Variants in SLC7A5 observed in about 807,000 individuals in gnomAD.
The protein encoded by SLC7A5 is large neutral amino acids transporter small subunit 1.
Under a neutral mutation model 50.2 loss-of-function variants are expected in SLC7A5, and 23 were observed. The observed-to-expected ratio is 0.46, with a 90% confidence interval of 0.33 to 0.65. The LOEUF (loss-of-function observed/expected upper bound fraction) is 0.65. Ranked by LOEUF, SLC7A5 falls within the 30% of genes least tolerant of loss-of-function variation. SLC7A5 has a pLI of 0.02. For synonymous variants in SLC7A5, 393 were observed against 330.6 expected (o/e 1.19, Z -2.05); for missense variants, 578 against 684.4 (o/e 0.84, Z 1.73).
At chr16:87,849,141 G>A (rs2055188945) in intron 2 of SLC7A5, among the ~76,000 whole-genome samples, 1 of 152,256 alleles carries the variant, frequency 6.6e-6, no homozygotes, top group Admixed American at 6.5e-5. Flanking sequence ...CAAAATTGAG[G>A]CCGGAGTCTC....
intron 1 of SLC7A5, among the ~76,000 whole-genome samples, chr16:87,866,982 A>T (rs1344543903): frequency 6.6e-6 from 1 of 151,070 alleles, no homozygotes; most frequent in East Asian, 1.9e-4. Context: ...CCCAGACTGG[A>T]GTGCAGTGGC....
In SLC7A5 at chr16:87,833,420, G is replaced by A. The variant is rs111300308; in HGVS notation, c.1469-395C>T. 1.3e-5 allele frequency among the ~76,000 whole-genome samples: 2 copies of A among 152,240 alleles called. No individual in the cohort carries two copies. The highest frequency in any genetic ancestry group is 6.5e-5 in the Admixed American group (1 of 15,286). ...TGCCTGGACTGTTCACAGCAGGCAG[G>A]GCCGGAGGGGCCAATCTGCTAACGG... On this transcript the variant is annotated intron_variant, in intron 9 of 9. Coordinates refer to ENST00000261622, the MANE Select transcript of SLC7A5 (RefSeq NM_003486.7). The surrounding 1 kb of genome is among the most constrained non-coding windows in gnomAD (Gnocchi z 6.0).
rs1322585492 is a variant in SLC7A5 at position 87,837,847 on chromosome 16, T to C, written c.1138A>G (p.Thr380Ala). The change falls in exon 7 of 10, where the codon ACG (threonine) becomes GCG (alanine). Residue 380 changes from threonine (T) to alanine (A), a missense_variant and splice_region_variant. Around this residue, in one of 2 missense-constraint regions of SLC7A5, gnomAD observed 465 missense variants for 594.6 expected, o/e 0.78. Coordinates refer to ENST00000261622, the MANE Select transcript of SLC7A5 (RefSeq NM_003486.7). ...LLTPVPSLVF[T>A]CVMTLLYAFS... is the part of the protein sequence containing the mutation. Reference sequence around the variant, plus strand: ...ACAGGGCCGTGCAGCAGGCTTACCGTGAACACGAGGGACGGCACGGGGGTG... The same window carrying C: ...ACAGGGCCGTGCAGCAGGCTTACCGCGAACACGAGGGACGGCACGGGGGTG... The C allele has an allele frequency of 5.6e-6, 9 of 1,603,048 alleles. No homozygotes were observed. The Admixed American group carries it at 1.2e-4, about 21-fold the overall frequency.
chr16:87,837,082 G>C (rs1160402022), intron 7 of SLC7A5, among the ~76,000 whole-genome samples: 2 of 152,252 alleles, frequency 1.3e-5, no homozygotes, highest in Non-Finnish European at 2.9e-5. Context: ...CCGTGCAGCT[G>C]CCAAAGAGTC....
chr16:87,867,204 G>C (rs2055473474), intron 1 of SLC7A5, among the ~76,000 whole-genome samples: 1 of 152,242 alleles, frequency 6.6e-6, no homozygotes, highest in East Asian at 1.9e-4. Context: ...ATAGGCGTGG[G>C]CCATCACACC....
At chr16:87,867,871 T>C (rs930585139) in intron 1 of SLC7A5, among the ~76,000 whole-genome samples, 4 of 151,946 alleles carry the variant, frequency 2.6e-5, no homozygotes, top group African/African-American at 9.7e-5. Flanking sequence ...ATCCCAGCAC[T>C]TTGGGAGGCC....
intron 2 of SLC7A5, among the ~76,000 whole-genome samples, chr16:87,844,135 G>A (rs947066412): frequency 1.3e-5 from 2 of 152,196 alleles, no homozygotes; most frequent in African/African-American, 4.8e-5. Flanking sequence ...AGCCCACAGA[G>A]ACGCGAGAAC....
chr16:87,838,629 C>G, intron 6 of SLC7A5, 85 bp downstream of exon 6: 1 of 1,071,620 alleles, frequency 9.3e-7, no homozygotes, highest in Non-Finnish European at 1.5e-6. Flanking sequence ...ATCACAGAGA[C>G]AAACCTTTTA....
chr16:87,844,498 C>T (rs1222790535), intron 2 of SLC7A5, among the ~76,000 whole-genome samples: 1 of 152,200 alleles, frequency 6.6e-6, no homozygotes, highest in Non-Finnish European at 1.5e-5. Context: ...GCTGACGGGG[C>T]CCAGGGACGC....
At chr16:87,842,328 C>G (rs1370532628) in intron 2 of SLC7A5, among the ~76,000 whole-genome samples, 1 of 152,198 alleles carries the variant, frequency 6.6e-6, no homozygotes, top group Non-Finnish European at 1.5e-5. Context: ...CAACATGTGG[C>G]CTTGGACCAC....
At chr16:87,837,773 T>C (rs1597494491) in intron 7 of SLC7A5, 72 bp downstream of exon 7, 2 of 1,259,482 alleles carry the variant, frequency 1.6e-6, no homozygotes, top group East Asian at 4.9e-5. Flanking sequence ...CTGCAAGCTG[T>C]GGCAGCCTCC....
rs536218083 is a variant in SLC7A5, at chr16:87,841,497, C to T, written c.665-342G>A. Among the ~76,000 whole-genome samples, 2 of 152,326 alleles carry T rather than the reference C, an allele frequency of 1.3e-5. No individual in the cohort carries two copies. Among genetic ancestry groups the T allele is most frequent in the African/African-American group, 2.4e-5 (1 of 41,570 alleles). On this transcript the variant is annotated intron_variant, in intron 2 of 9. Transcript: ENST00000261622. The surrounding 1 kb of genome is among the most constrained non-coding windows in gnomAD (Gnocchi z 4.8). ...TGCCTTCAAGAAGGTTCCCTGAGAC[C>T]TCACGACATGAGTGTCAAGGCAGTA... is the stretch of plus-strand genomic sequence containing the variant.
intron 2 of SLC7A5, among the ~76,000 whole-genome samples, chr16:87,843,200 C>T (rs2055103824): frequency 6.6e-6 from 1 of 152,130 alleles, no homozygotes; most frequent in South Asian, 2.1e-4. Flanking sequence ...CATCAATCCT[C>T]ATAGCTGACC....
intron 2 of SLC7A5, among the ~76,000 whole-genome samples, chr16:87,844,446 C>T (rs1280350440): frequency 5.3e-5 from 8 of 152,144 alleles, no homozygotes; most frequent in Non-Finnish European, 7.4e-5. Flanking sequence ...CCATCCACCC[C>T]GAGGCTGGAG....
In SLC7A5 at chr16:87,833,984, G is replaced by A. The variant is rs970041287; in HGVS notation, c.1468+430C>T. Among the ~76,000 whole-genome samples the A allele has an allele frequency of 6.6e-6, 1 of 151,972 alleles. No individual in the cohort carries two copies. The highest frequency in any genetic ancestry group is 2.1e-4 in the South Asian group (1 of 4,822). ...TTCTCCTGCCTCAGCCTCCTGAGTA[G>A]CTGGGATTACAGGTGTGTGCCACTA... On this transcript the variant is annotated intron_variant, in intron 9 of 9. Coordinates refer to ENST00000261622, the MANE Select transcript of SLC7A5 (RefSeq NM_003486.7). This position sits in a 1 kb window ranked among gnomAD's most constrained non-coding sequence, Gnocchi z 6.0.
rs1195133589 is a variant in SLC7A5 at position 87,861,410 on chromosome 16, C to T, written c.538+7475G>A. ...CCTGGCACCCACCAGACTCCCCAGG[C>T]GTGGCTTTGTGCTCCCCTATGCCTG... On this transcript the variant is annotated intron_variant, in intron 1 of 9. Coordinates refer to ENST00000261622, the MANE Select transcript of SLC7A5 (RefSeq NM_003486.7). The surrounding 1 kb of genome is among the most constrained non-coding windows in gnomAD (Gnocchi z 4.2). 3.3e-5 allele frequency among the ~76,000 whole-genome samples: 5 copies of T among 152,164 alleles called. No homozygotes were observed. The highest frequency in any genetic ancestry group is 7.4e-5 in the Non-Finnish European group (5 of 68,016).
intron 2 of SLC7A5, among the ~76,000 whole-genome samples, chr16:87,849,695 T>C (rs956016723): frequency 2.6e-5 from 4 of 151,996 alleles, no homozygotes; most frequent in Admixed American, 1.3e-4. Context: ...CCGGGAGCCA[T>C]GGAATGAGCT....
At chr16:87,838,123 G>A (rs1234618243) in intron 6 of SLC7A5, among the ~76,000 whole-genome samples, 182 bp from the exon 7 acceptor site, 1 of 152,190 alleles carries the variant, frequency 6.6e-6, no homozygotes, top group Non-Finnish European at 1.5e-5. Flanking sequence ...CAACCAACTC[G>A]GCAAGGACAG....
chr16:87,830,740 T>G lies in SLC7A5; in HGVS notation c.*2230A>C, dbSNP rs2143685850. 6.6e-6 allele frequency: 1 copy of G among 152,436 alleles called. No homozygotes were observed. Among genetic ancestry groups the G allele is most frequent in the East Asian group, 1.9e-4 (1 of 5,192 alleles). 9.4% of individuals were successfully genotyped at this position (152,436 alleles called of 1,614,324 possible). ...AGACGGACCCCAGCGGCCCCAGCCA[T>G]TTCACTAGCAGCTACTTTCCACAAC... On this transcript the variant is annotated 3_prime_UTR_variant, in exon 10 of 10. Coordinates refer to ENST00000261622, the MANE Select transcript of SLC7A5 (RefSeq NM_003486.7).
Sources: gnomAD v4.1 joint callset for allele counts (sites outside exome capture counted in the v4.1 genomes callset) on GRCh38, gnomAD v4.1.1 for gene constraint, gnomAD v4.1.1 regional missense constraint, Gnocchi (gnomAD v3.1) non-coding constraint, MANE v1.5 for transcripts, NCBI Gene and HGNC (gene_info 2026-07-23, HGNC 2026-07-21) for gene names.